The following MYO5C variants were observed in gnomAD, a reference collection of about 807,000 sequenced individuals.
The protein encoded by MYO5C is unconventional myosin-Vc.
In MYO5C, 194 loss-of-function variants were observed where a neutral mutation model predicts 235.7. The ratio of observed to expected loss-of-function variants is 0.82; its 90% CI spans 0.73 to 0.93. The LOEUF (loss-of-function observed/expected upper bound fraction) is 0.93. Among genes scored for constraint, MYO5C ranks in the 40% least tolerant of loss-of-function variants. MYO5C has a pLI of 0.00. For synonymous variants in MYO5C, 707 were observed against 754.8 expected (o/e 0.94, Z 1.04); for missense variants, 2,038 against 2,127.2 (o/e 0.96, Z 0.82).
At chr15:52,263,369 T>A (rs563124549) in intron 9 of MYO5C, among the ~76,000 whole-genome samples, 24 of 152,112 alleles carry the variant, frequency 1.6e-4, no homozygotes, top group South Asian at 1.0e-3. Flanking sequence ...GAAACACACA[T>A]CAAATTAACT....
At chr15:52,217,738 A>C (rs2035587464) in intron 32 of MYO5C, among the ~76,000 whole-genome samples, 1 of 152,166 alleles carries the variant, frequency 6.6e-6, no homozygotes, top group Non-Finnish European at 1.5e-5. Context: ...TTTTTCCTCT[A>C]TCAAGGTTTT....
intron 10 of MYO5C, among the ~76,000 whole-genome samples, chr15:52,260,571 A>T (rs2036671958): frequency 6.6e-6 from 1 of 152,184 alleles, no homozygotes; most frequent in South Asian, 2.1e-4. Context: ...GATAGTTATA[A>T]GGTTGTTTAA....
At position 52,286,820 on chromosome 15, in the gene MYO5C, C is replaced by T. The variant is rs151169559; in HGVS notation, c.28-3928G>A. On this transcript the variant is annotated intron_variant, in intron 1 of 40. Coordinates refer to ENST00000261839, the MANE Select transcript of MYO5C (RefSeq NM_018728.4). The stretch of plus-strand genomic sequence containing the variant: ...AAACACTGAGGAAGGCCGCAGGGTC[C>T]TCTGCCTAGGAAAACCAGAGACCTC... 2.8e-3 allele frequency among the ~76,000 whole-genome samples: 421 copies of T among 151,950 alleles called. 4 individuals are homozygous for T. Among genetic ancestry groups the T allele is most frequent in the African/African-American group, 7.9e-3 (326 of 41,386 alleles).
At chr15:52,246,286 A>C (rs2036342380) in intron 16 of MYO5C, among the ~76,000 whole-genome samples, 1 of 152,194 alleles carries the variant, frequency 6.6e-6, no homozygotes, top group African/African-American at 2.4e-5. Context: ...CCATGGGGGA[A>C]CTGGCCTTTG....
intron 39 of MYO5C, among the ~76,000 whole-genome samples, chr15:52,195,809 T>C (rs2035035387): frequency 6.6e-6 from 1 of 151,908 alleles, no homozygotes; most frequent in Non-Finnish European, 1.5e-5. Flanking sequence ...ATTATTATTA[T>C]TATTTTTGAG....
chr15:52,294,145 G>C lies in MYO5C; in HGVS notation c.27+1465C>G, dbSNP rs532284010. Among the ~76,000 whole-genome samples, 3 of 152,330 alleles carry C rather than the reference G, an allele frequency of 2.0e-5. No homozygotes were observed. The East Asian group carries it at 5.8e-4, about 29-fold the overall frequency. On this transcript the variant is annotated intron_variant, in intron 1 of 40. Transcript: ENST00000261839. ...TACTAGACATTTAATAAATATCTGA[G>C]GTTTGAGGCACCTAAAAATAGGGGT... is the stretch of plus-strand genomic sequence containing the variant.
At chr15:52,215,886 T>C (rs1478971776) in intron 32 of MYO5C, among the ~76,000 whole-genome samples, 1 of 152,234 alleles carries the variant, frequency 6.6e-6, no homozygotes, top group African/African-American at 2.4e-5. Context: ...AGTCATATTA[T>C]ATCATACAAC....
intron 8 of MYO5C, among the ~76,000 whole-genome samples, chr15:52,266,147 AG>A (rs1439136708): frequency 6.6e-6 from 1 of 152,222 alleles, no homozygotes; most frequent in Non-Finnish European, 1.5e-5. Flanking sequence ...GAAACACAAA[AG>A]GGAGATAACA....
chr15:52,295,074 C>T lies in MYO5C; in HGVS notation c.27+536G>A, dbSNP rs563347244. ...TCACGCACTTTGAAGACACAGAATT[C>T]TAGAAAGCAGCCCGAACACTGCGGC... On this transcript the variant is annotated intron_variant, in intron 1 of 40. Transcript: ENST00000261839. 1.6e-4 allele frequency among the ~76,000 whole-genome samples: 25 copies of T among 152,350 alleles called. No homozygotes were observed. In the East Asian group the frequency reaches 4.1e-3, roughly 25 times the overall value.
intron 13 of MYO5C, among the ~76,000 whole-genome samples, chr15:52,250,231 TTTTTCTTTTTCTTTTTC>T (rs1221144348): frequency 5.5e-5 from 6 of 109,846 alleles, no homozygotes; most frequent in African/African-American, 2.0e-4. Flanking sequence ...TTATCTTTTT[TTTTTCTTTTTCTTTTTC>T]TTTTTTTTTT....
At chr15:52,208,735 A>T (rs2035379101) in intron 35 of MYO5C, 92 bp from the exon 36 acceptor site, 1 of 1,107,396 alleles carries the variant, frequency 9.0e-7, no homozygotes, top group Non-Finnish European at 1.3e-6. Context: ...TTTTGACCAA[A>T]ATTAGTTTTT....
chr15:52,229,234 G>A lies in MYO5C; in HGVS notation c.3106C>T (p.Leu1036Phe), dbSNP rs764669258. 6.2e-7 allele frequency: 1 copy of A among 1,614,202 alleles called. No individual in the cohort carries two copies. Among genetic ancestry groups the A allele is most frequent in the South Asian group, 1.1e-5 (1 of 91,086 alleles). ...IQSLKEEIKA[L>F]KDEKMQLQHL... ...TGGAGTTGCATCTTCTCATCCTTGA[G>A]AGCTTTAATTTCTTCTTTCAAAGAC... Residue 1036 changes from leucine (L) to phenylalanine (F), a missense_variant, in exon 25 of 41, where the codon CTC becomes TTC. Leu to Phe is a conservative substitution (Grantham distance 22). Transcript: ENST00000261839.
chr15:52,221,932 T>C (rs1186315521), intron 29 of MYO5C, among the ~76,000 whole-genome samples: 5 of 152,210 alleles, frequency 3.3e-5, no homozygotes, highest in East Asian at 3.8e-4. Flanking sequence ...GAAAGTGATA[T>C]GCATTTAGTA....
At position 52,237,471 on chromosome 15, in the gene MYO5C, C is replaced by T. The variant is rs3751611; in HGVS notation, c.2868+11G>A. 351 of 1,612,472 alleles carry T rather than the reference C, an allele frequency of 2.2e-4. 3 individuals are homozygous for T. The East Asian group carries it at 6.7e-3, about 31-fold the overall frequency. ...CATATTTCCATCCCGTCTCACACGC[C>T]CGCAGCTGACCTCTTCCACAGCATC... On this transcript the variant is annotated intron_variant, in intron 22 of 40. Transcript: ENST00000261839.
At chr15:52,289,896 C>T (rs2037351632) in intron 1 of MYO5C, among the ~76,000 whole-genome samples, 1 of 152,222 alleles carries the variant, frequency 6.6e-6, no homozygotes, top group Non-Finnish European at 1.5e-5. Flanking sequence ...CTAGCACTTT[C>T]TGGAACATGG....
rs147644119 is a variant in MYO5C, at chr15:52,247,186, C to G, written c.1882-172G>C. On this transcript the variant is annotated intron_variant, in intron 15 of 40. Coordinates refer to ENST00000261839, the MANE Select transcript of MYO5C (RefSeq NM_018728.4). ...CGTGACTGTGGTTTATCAGCATGTC[C>G]TACTGTTGTGGACAGAACACTAATA... Among the ~76,000 whole-genome samples, 9 of 152,346 alleles carry G rather than the reference C, an allele frequency of 5.9e-5. No individual in the cohort carries two copies. The East Asian group carries it at 1.7e-3, about 29-fold the overall frequency.
chr15:52,244,672 G>T, intron 18 of MYO5C, 105 bp from the exon 19 acceptor site: 1 of 763,936 alleles, frequency 1.3e-6, no homozygotes, highest in Non-Finnish European at 2.1e-6. Context: ...GAAATATTGT[G>T]ATTTTGACAT....
At chr15:52,254,612 T>G (rs1335794965) in intron 11 of MYO5C, among the ~76,000 whole-genome samples, 1 of 150,310 alleles carries the variant, frequency 6.7e-6, no homozygotes, top group Non-Finnish European at 1.5e-5. Context: ...CCTGGGAGGA[T>G]CTACACATTG....
At chr15:52,270,205 C>T (rs2140841683) in intron 7 of MYO5C, among the ~76,000 whole-genome samples, 1 of 152,250 alleles carries the variant, frequency 6.6e-6, no homozygotes, top group Admixed American at 6.5e-5. Flanking sequence ...TCACTTGAGC[C>T]CAGGAGTTCG....
Sources: gnomAD v4.1 joint callset for allele counts (sites outside exome capture counted in the v4.1 genomes callset) on GRCh38, gnomAD v4.1.1 for gene constraint, MANE v1.5 for transcripts, NCBI Gene and HGNC (gene_info 2026-07-23, HGNC 2026-07-21) for gene names.